ARHGEF38: variants seen among roughly 807,000 people sequenced by gnomAD.
The protein encoded by ARHGEF38 is Rho guanine nucleotide exchange factor 38.
In ARHGEF38, 79 loss-of-function variants were observed where a neutral mutation model predicts 79.9. The ratio of observed to expected loss-of-function variants is 0.99; its 90% CI spans 0.82 to 1.19. ARHGEF38 has a LOEUF of 1.19. ARHGEF38 is among the 50% of genes most tolerant of loss of function. The pLI is 0.00. For synonymous variants in ARHGEF38, 366 were observed against 328.3 expected (o/e 1.11, Z -1.24); for missense variants, 962 against 907.2 (o/e 1.06, Z -0.78).
At chr4:105,666,619 A>G (rs1291135496) in intron 11 of ARHGEF38, among the ~76,000 whole-genome samples, 1 of 152,192 alleles carries the variant, frequency 6.6e-6, no homozygotes, top group Non-Finnish European at 1.5e-5. Context: ...AAGATAAATC[A>G]TATAGTCCAG....
chr4:105,618,425 C>T (rs78127472), intron 3 of ARHGEF38, among the ~76,000 whole-genome samples: 1,584 of 152,212 alleles, frequency 0.01, 28 homozygotes, highest in African/African-American at 0.036. Flanking sequence ...ATCACGAGAC[C>T]AGCCTGACCA....
In ARHGEF38 at chr4:105,679,717, G is replaced by T; in HGVS notation, c.*1780G>T. 1.2e-6 allele frequency: 1 copy of T among 813,194 alleles called. No homozygotes were observed. The highest frequency in any genetic ancestry group is 2.2e-6 in the Non-Finnish European group (1 of 458,760). The allele number at this position is 813,194 out of a possible 1,614,324, so 50.4% of individuals were successfully genotyped here. On this transcript the variant is annotated 3_prime_UTR_variant, in exon 14 of 14. Transcript: ENST00000420470. ...ACCTACACATTTAAAAGTAATTTGT[G>T]TTTTTTGTTCCACATGTCTTAGTTG...
chr4:105,558,328 A>G (rs1211731017), intron 1 of ARHGEF38, among the ~76,000 whole-genome samples: 1 of 152,222 alleles, frequency 6.6e-6, no homozygotes, highest in African/African-American at 2.4e-5. Context: ...TGAAGAATGG[A>G]GTAAAACAAA....
chr4:105,640,936 G>A (rs1729593163), intron 5 of ARHGEF38, among the ~76,000 whole-genome samples: 1 of 152,054 alleles, frequency 6.6e-6, no homozygotes, highest in African/African-American at 2.4e-5. Flanking sequence ...GCACTCTGAA[G>A]TTCATGAATT....
intron 13 of ARHGEF38, among the ~76,000 whole-genome samples, chr4:105,670,942 T>C (rs551069692): frequency 1.3e-5 from 2 of 152,300 alleles, no homozygotes; most frequent in South Asian, 2.1e-4. Context: ...AGTATGAGAC[T>C]GCATTTAGTT....
intron 2 of ARHGEF38, among the ~76,000 whole-genome samples, chr4:105,592,090 T>G (rs1727368201): frequency 6.6e-6 from 1 of 152,212 alleles, no homozygotes; most frequent in Non-Finnish European, 1.5e-5. Context: ...CAGTCCTCCC[T>G]GTCAACTCTT....
chr4:105,598,851 A>T (rs997803450), intron 2 of ARHGEF38, among the ~76,000 whole-genome samples: 1 of 152,200 alleles, frequency 6.6e-6, no homozygotes, highest in African/African-American at 2.4e-5. Flanking sequence ...TAATAAGGGC[A>T]GTTCCTATGT....
intron 7 of ARHGEF38, among the ~76,000 whole-genome samples, chr4:105,652,830 G>A (rs934549986): frequency 2.0e-5 from 3 of 152,156 alleles, no homozygotes; most frequent in Admixed American, 6.5e-5. Context: ...AAAGAACTCT[G>A]CTGCCTATTT....
intron 10 of ARHGEF38, among the ~76,000 whole-genome samples, chr4:105,659,768 A>T (rs554836036): frequency 3.5e-4 from 54 of 152,132 alleles, no homozygotes; most frequent in Admixed American, 5.9e-4. Flanking sequence ...AGGCCATCTC[A>T]GCATAATGAA....
Position 105,655,612 on chromosome 4 carries a change from C to T in ARHGEF38, c.1123C>T (p.Pro375Ser), listed in dbSNP as rs1200175838. The T allele has an allele frequency of 4.6e-6, 7 of 1,534,766 alleles. No homozygotes were observed. The African/African-American group carries it at 5.5e-5, about 12-fold the overall frequency. The part of the protein sequence containing the change: ...LCLQHIQDAM[P>S]LALQSVMDLQ... ...TGTTCTTGGGTTTCAGGATGCCATG[C>T]CCCTGGCTCTGCAGAGTGTGATGGA... Residue 375 changes from proline (P) to serine (S), a missense_variant, in exon 9 of 14, where the codon CCC (proline) becomes TCC (serine). Physicochemically the swap from Pro to Ser is moderately conservative, Grantham distance 74. Transcript: ENST00000420470.
chr4:105,677,120 C>G (rs1382772182), intron 13 of ARHGEF38, among the ~76,000 whole-genome samples: 1 of 152,036 alleles, frequency 6.6e-6, no homozygotes, highest in African/African-American at 2.4e-5. Flanking sequence ...CACGCCACCA[C>G]GCCCAGCTAA....
rs553046847 is a variant in ARHGEF38, at chr4:105,652,771, G to A, written c.1009-1294G>A. ...ATTGTTATACACACTAGACTGAGTT[G>A]GAGCATAGCAACCCTAAGGCACAGA... On this transcript the variant is annotated intron_variant, in intron 7 of 13. Coordinates refer to ENST00000420470, the MANE Select transcript of ARHGEF38 (RefSeq NM_001242729.2). Among the ~76,000 whole-genome samples the A allele has an allele frequency of 3.9e-5, 6 of 152,226 alleles. No individual in the cohort carries two copies. The South Asian group carries it at 8.3e-4, about 21-fold the overall frequency.
intron 13 of ARHGEF38, among the ~76,000 whole-genome samples, chr4:105,675,010 A>T (rs1364929052): frequency 1.3e-5 from 2 of 152,178 alleles, no homozygotes; most frequent in Non-Finnish European, 2.9e-5. Flanking sequence ...GATGTTTCAG[A>T]TGTATTATAG....
chr4:105,661,845 T>C (rs1167812061), intron 10 of ARHGEF38, among the ~76,000 whole-genome samples: 2 of 152,134 alleles, frequency 1.3e-5, no homozygotes, highest in Non-Finnish European at 2.9e-5. Context: ...AATCATACAA[T>C]ATGTATTCTT....
At chr4:105,601,376 A>C (rs146990025) in intron 2 of ARHGEF38, among the ~76,000 whole-genome samples, 1 of 152,134 alleles carries the variant, frequency 6.6e-6, no homozygotes, top group African/African-American at 2.4e-5. Flanking sequence ...ACCTCAATCT[A>C]TCTTAGACTG....
At position 105,576,822 on chromosome 4, in the gene ARHGEF38, A is replaced by C. The variant is rs189754127; in HGVS notation, c.197-12426A>C. Among the ~76,000 whole-genome samples the C allele has an allele frequency of 2.6e-5, 4 of 152,188 alleles. No individual in the cohort carries two copies. The East Asian group carries it at 7.7e-4, about 29-fold the overall frequency. On this transcript the variant is annotated intron_variant, in intron 1 of 13. Coordinates refer to ENST00000420470, the MANE Select transcript of ARHGEF38 (RefSeq NM_001242729.2). ...GGGTTTGTTGAAGGTTTTTATCATA[A>C]AGGGATGCTGAATTTTATTGAGTGC...
rs759047037 is a variant in ARHGEF38, at chr4:105,552,821, T to C, written c.56T>C (p.Leu19Pro). 2.5e-6 allele frequency: 4 copies of C among 1,612,942 alleles called. No individual in the cohort carries two copies. Among genetic ancestry groups the C allele is most frequent in the Non-Finnish European group, 3.4e-6 (4 of 1,179,666 alleles). The change falls in exon 1 of 14, where the codon CTG becomes CCG. Residue 19 changes from leucine to proline, a missense_variant. Physicochemically the swap from Leu to Pro is moderately conservative, Grantham distance 98 (BLOSUM62 -3). Transcript: ENST00000420470. ...KENMVTKKKN[L>P]AFLRSRLYML... ...AACATGGTCACCAAGAAAAAGAATCTGGCCTTCTTGAGGTCTAGACTCTAT... is the reference window on the plus strand; with the variant it reads ...AACATGGTCACCAAGAAAAAGAATCCGGCCTTCTTGAGGTCTAGACTCTAT...
chr4:105,638,182 T>A (rs942721102), intron 5 of ARHGEF38, among the ~76,000 whole-genome samples: 10 of 152,196 alleles, frequency 6.6e-5, no homozygotes, highest in African/African-American at 2.4e-4. Context: ...CATTCAATAA[T>A]CCCTCACTTA....
chr4:105,669,589 T>C (rs190040076), intron 13 of ARHGEF38, among the ~76,000 whole-genome samples: 5 of 152,140 alleles, frequency 3.3e-5, no homozygotes, highest in Admixed American at 3.3e-4. Context: ...TTTGGTTTGG[T>C]GTTTTTTTTC....
Sources: gnomAD v4.1 joint callset for allele counts (sites outside exome capture counted in the v4.1 genomes callset) on GRCh38, gnomAD v4.1.1 for gene constraint, MANE v1.5 for transcripts, NCBI Gene and HGNC (gene_info 2026-07-23, HGNC 2026-07-21) for gene names.